Variants in ARHGAP28 observed in about 807,000 individuals in gnomAD.
ARHGAP28 encodes Rho GTPase activating protein 28, also known as rho GTPase-activating protein 28.
In ARHGAP28, 56 loss-of-function variants were observed where a neutral mutation model predicts 90.7. That is an observed-to-expected ratio of 0.62 (90% CI 0.50 to 0.77). ARHGAP28 has a LOEUF of 0.77. Ranked by LOEUF, ARHGAP28 falls within the 30% of genes least tolerant of loss-of-function variation. The pLI is 0.00. For missense variants in ARHGAP28, 869 were observed against 900.9 expected (o/e 0.96, Z 0.45); for synonymous variants, 308 against 323.3 (o/e 0.95, Z 0.51).
chr18:6,878,277 T>C (rs986514054), intron 10 of ARHGAP28, among the ~76,000 whole-genome samples: 1 of 138,076 alleles, frequency 7.2e-6, no homozygotes, highest in Non-Finnish European at 1.5e-5. Context: ...TTCTCACTCA[T>C]AGATGGAAAT....
At chr18:6,803,198 AT>A (rs1460127840) in intron 1 of ARHGAP28, among the ~76,000 whole-genome samples, 1 of 152,160 alleles carries the variant, frequency 6.6e-6, no homozygotes, top group African/African-American at 2.4e-5. Flanking sequence ...AGTCTTTCAT[AT>A]TAAATATGAT....
rs551349638 is a variant in ARHGAP28 at position 6,828,028 on chromosome 18, G to A, written c.325+3064G>A. On this transcript the variant is annotated intron_variant, in intron 2 of 17. Coordinates refer to ENST00000383472, the MANE Select transcript of ARHGAP28 (RefSeq NM_001366230.1). Reference sequence around the variant, plus strand: ...TGGGAGGTGGAGGTTGTAGCGAGCCGAGATCACGCCACTGCACTCCAGCCT... The same window carrying A: ...TGGGAGGTGGAGGTTGTAGCGAGCCAAGATCACGCCACTGCACTCCAGCCT... 6.6e-3 allele frequency among the ~76,000 whole-genome samples: 999 copies of A among 152,200 alleles called. 6 individuals are homozygous for A. The highest frequency in any genetic ancestry group is 9.5e-3 in the Non-Finnish European group (648 of 67,996).
intron 3 of ARHGAP28, among the ~76,000 whole-genome samples, chr18:6,841,208 C>CTTTCTCTCTCTCTCTCTCTCTCT (rs1555631529): frequency 2.3e-5 from 1 of 43,136 alleles, no homozygotes; most frequent in Admixed American, 2.9e-4. Context: ...TCTCTCCTCT[C>CTTTCTCTCTCTCTCTCTCTCTCT]CTCTCTCTCT....
At chr18:6,788,993 T>G (rs2056386829) in intron 1 of ARHGAP28, 1 of 152,154 alleles carries the variant, frequency 6.6e-6, no homozygotes, top group Non-Finnish European at 1.5e-5. Context: ...TAATGACATT[T>G]GAATTGAGTC....
At chr18:6,837,002 A>G (rs2056758691) in intron 2 of ARHGAP28, among the ~76,000 whole-genome samples, 195 bp from the exon 3 acceptor site, 2 of 152,262 alleles carry the variant, frequency 1.3e-5, no homozygotes, top group Admixed American at 6.5e-5. Context: ...ACCTTACTCT[A>G]TTAGAAAATA....
chr18:6,793,133 T>C (rs79197195), intron 1 of ARHGAP28, among the ~76,000 whole-genome samples: 1,929 of 152,334 alleles, frequency 0.013, 42 homozygotes, highest in African/African-American at 0.044. Context: ...GGCAAGTGAT[T>C]TGACATCTAC....
intron 2 of ARHGAP28, among the ~76,000 whole-genome samples, chr18:6,827,538 G>A (rs1322766522): frequency 4.8e-5 from 7 of 146,068 alleles, no homozygotes; most frequent in Non-Finnish European, 9.2e-5. Flanking sequence ...GACCGGGCGG[G>A]GGGCTGACCC....
intron 2 of ARHGAP28, among the ~76,000 whole-genome samples, chr18:6,826,339 G>C (rs898824369): frequency 6.6e-6 from 1 of 151,846 alleles, no homozygotes; most frequent in Non-Finnish European, 1.5e-5. Context: ...CTTTTCGCTT[G>C]TTGATTTGTT....
intron 1 of ARHGAP28, chr18:6,791,570 T>C (rs2056406586): frequency 6.6e-6 from 1 of 152,196 alleles, no homozygotes; most frequent in Non-Finnish European, 1.5e-5. Flanking sequence ...AGTCACTTGG[T>C]TGGTCTGATG....
At chr18:6,841,165 CTCCTCTCTCTCTCTCCTCTCTCTCTCT>C (rs2143900820) in intron 3 of ARHGAP28, among the ~76,000 whole-genome samples, 1 of 98,556 alleles carries the variant, frequency 1.0e-5, no homozygotes, top group East Asian at 2.3e-4. Context: ...CTTTCTCTCT[CTCCTCTCTCTCTCTCCTCTCTCTCTCT>C]CTCTCTCTCT....
At chr18:6,796,440 T>C (rs11660929) in intron 1 of ARHGAP28, among the ~76,000 whole-genome samples, 141,762 of 152,116 alleles carry the variant, frequency 0.93, 66,440 homozygotes, top group African/African-American at 0.99. Context: ...CTTCCTGGCC[T>C]CTGTCTTCAA....
At chr18:6,768,760 T>C (rs2056219852) in intron 1 of ARHGAP28, among the ~76,000 whole-genome samples, 1 of 152,164 alleles carries the variant, frequency 6.6e-6, no homozygotes, top group Admixed American at 6.5e-5. Context: ...CTGAACTCTG[T>C]TCCATGTCCC....
intron 1 of ARHGAP28, among the ~76,000 whole-genome samples, chr18:6,819,244 A>C (rs1417794173): frequency 6.6e-6 from 1 of 152,194 alleles, no homozygotes; most frequent in East Asian, 1.9e-4. Flanking sequence ...TTATGTTTAC[A>C]ATGTTTTGTG....
chr18:6,742,405 G>A (rs2055986837), intron 1 of ARHGAP28, among the ~76,000 whole-genome samples: 1 of 152,018 alleles, frequency 6.6e-6, no homozygotes, highest in Admixed American at 6.6e-5. Flanking sequence ...GCTGACCTCA[G>A]GTGATCCACC....
intron 1 of ARHGAP28, among the ~76,000 whole-genome samples, chr18:6,762,250 C>G (rs934962981): frequency 6.6e-6 from 1 of 152,112 alleles, no homozygotes; most frequent in South Asian, 2.1e-4. Context: ...TTCTAAAATA[C>G]AAGTTCAACC....
chr18:6,871,249 T>C (rs538991687), intron 7 of ARHGAP28, among the ~76,000 whole-genome samples: 1 of 152,282 alleles, frequency 6.6e-6, no homozygotes, highest in Non-Finnish European at 1.5e-5. Flanking sequence ...GGAGGAAAAG[T>C]TGTGAGGCTG....
rs567379731 is a variant in ARHGAP28 at position 6,730,327 on chromosome 18, AAATG to A, written c.122+388_122+391del. 2.8e-4 allele frequency among the ~76,000 whole-genome samples: 42 copies of A among 152,018 alleles called. No homozygotes were observed. The East Asian group carries it at 7.5e-3, about 27-fold the overall frequency. On this transcript the variant is annotated intron_variant, in intron 1 of 17. Transcript: ENST00000383472. The stretch of plus-strand genomic sequence containing the variant: ...AAGCAGCACATGAAAAGAAAACAGT[AAATG>A]AATAACCCTAAATCCTCAGAATACT...
chr18:6,876,626 A>G (rs776303583), intron 10 of ARHGAP28, among the ~76,000 whole-genome samples: 2 of 152,150 alleles, frequency 1.3e-5, no homozygotes, highest in Non-Finnish European at 1.5e-5. Context: ...CACTAAGCCA[A>G]TGTTATATGA....
At chr18:6,878,705 A>G (rs1229229205) in intron 10 of ARHGAP28, among the ~76,000 whole-genome samples, 1 of 152,144 alleles carries the variant, frequency 6.6e-6, no homozygotes, top group Non-Finnish European at 1.5e-5. Context: ...AGCCTAATTT[A>G]TTCCATCACT....
Sources: allele counts gnomAD v4.1 joint callset (sites outside exome capture counted in the v4.1 genomes callset), GRCh38; gene constraint gnomAD v4.1.1; transcripts MANE v1.5; gene names NCBI Gene and HGNC (gene_info 2026-07-23, HGNC 2026-07-21).